Variants in FSTL4 observed in about 807,000 individuals in gnomAD.
FSTL4 encodes the protein follistatin like 4.
In FSTL4, 28 loss-of-function variants were observed where a neutral mutation model predicts 78.2. That is an observed-to-expected ratio of 0.36 (90% confidence interval 0.27 to 0.49). FSTL4 has a LOEUF of 0.49. FSTL4 is among the 20% of genes least tolerant of loss of function. The probability of loss-of-function intolerance (pLI) is 0.98; values close to 1 mark genes in which losing one functional copy is unlikely to be tolerated. For missense variants in FSTL4, 922 were observed against 1,084.9 expected (o/e 0.85, Z 2.11); for synonymous variants, 422 against 440.5 (o/e 0.96, Z 0.53).
At chr5:133,485,047 G>A (rs1758104150) in intron 3 of FSTL4, among the ~76,000 whole-genome samples, 1 of 152,144 alleles carries the variant, frequency 6.6e-6, no homozygotes, top group Non-Finnish European at 1.5e-5. Context: ...CTTTGTCAAG[G>A]ATTTTAAAAC....
chr5:133,469,886 G>C (rs1266663356), intron 3 of FSTL4, among the ~76,000 whole-genome samples: 1 of 151,962 alleles, frequency 6.6e-6, no homozygotes, highest in Non-Finnish European at 1.5e-5. Context: ...CAGAGGCACA[G>C]TCAAGATAAG....
At chr5:133,801,651 G>A in the FSTL4 span, among the ~76,000 whole-genome samples, 1 of 152,252 alleles carries the variant, frequency 6.6e-6, no homozygotes, top group Non-Finnish European at 1.5e-5. Flanking sequence ...CTGCCAGCCA[G>A]GGCCTTGATG....
chr5:133,695,575 C>T, the FSTL4 span, among the ~76,000 whole-genome samples: 5 of 152,174 alleles, frequency 3.3e-5, no homozygotes, highest in Admixed American at 6.5e-5. Context: ...ACTGACCTAA[C>T]GGGGACAGCA....
At chr5:133,612,569 A>T (rs955959724), upstream of FSTL4, 5 of 151,590 alleles carry the variant, frequency 3.3e-5, no homozygotes, top group Admixed American at 6.6e-5. The surrounding 1 kb of genome is among the most constrained non-coding windows in gnomAD (Gnocchi z 6.2). Context: ...CCGTGACGTC[A>T]CCCTCTGGGC....
intron 6 of FSTL4, among the ~76,000 whole-genome samples, chr5:133,266,773 G>A (rs982257627): frequency 3.9e-5 from 6 of 152,206 alleles, no homozygotes; most frequent in African/African-American, 1.4e-4. Context: ...CTCCCTCTTG[G>A]TCAGCCTGCA....
the FSTL4 span, among the ~76,000 whole-genome samples, chr5:133,714,365 A>G: frequency 2.0e-5 from 3 of 152,252 alleles, no homozygotes; most frequent in South Asian, 6.2e-4. Flanking sequence ...CAAATGTGAG[A>G]GCTCAAATGC....
At chr5:133,531,747 G>A (rs998818022) in intron 3 of FSTL4, among the ~76,000 whole-genome samples, 6 of 152,192 alleles carry the variant, frequency 3.9e-5, no homozygotes, top group African/African-American at 1.4e-4. Flanking sequence ...GTGATAGGGC[G>A]GAAATCATCA....
chr5:133,201,942 T>C lies in FSTL4; in HGVS notation c.1817A>G (p.Asn606Ser), dbSNP rs779834087. Residue 606 changes from asparagine to serine, a missense_variant, in exon 15 of 16, where the codon AAC (asparagine) becomes AGC (serine). Coordinates refer to ENST00000265342, the MANE Select transcript of FSTL4 (RefSeq NM_015082.2). ...FFIPPTNLII[N>S]HIRFGFIFNK... ...CATGGGCCAGTCTCACCTGATGTGG[T>C]TGATGATGAGGTTTGTTGGGGGAAT... The C allele has an allele frequency of 1.9e-6, 3 of 1,595,000 alleles. No homozygotes were observed. The highest frequency in any genetic ancestry group is 2.7e-5 in the African/African-American group (2 of 74,636).
At chr5:133,730,486 T>C in the FSTL4 span, among the ~76,000 whole-genome samples, 3 of 152,130 alleles carry the variant, frequency 2.0e-5, no homozygotes, top group Non-Finnish European at 4.4e-5. Flanking sequence ...AGCTGCACGA[T>C]GATGGGAAGG....
the FSTL4 span, among the ~76,000 whole-genome samples, chr5:133,807,800 G>A: frequency 2.0e-5 from 3 of 152,226 alleles, no homozygotes; most frequent in Non-Finnish European, 4.4e-5. Context: ...CACACATCTA[G>A]ACAGCTTAAC....
intron 3 of FSTL4, among the ~76,000 whole-genome samples, chr5:133,466,353 T>C (rs888475108): frequency 3.3e-5 from 5 of 152,034 alleles, no homozygotes; most frequent in African/African-American, 4.8e-5. Context: ...CCATTCTGGC[T>C]AACACGGTGA....
At chr5:133,514,562 G>C (rs914081711) in intron 3 of FSTL4, among the ~76,000 whole-genome samples, 4 of 152,164 alleles carry the variant, frequency 2.6e-5, no homozygotes, top group African/African-American at 9.7e-5. Context: ...AATTTCAGAA[G>C]ACAAGGCTAG....
the FSTL4 span, among the ~76,000 whole-genome samples, chr5:133,684,850 G>A: frequency 6.6e-6 from 1 of 152,190 alleles, no homozygotes; most frequent in South Asian, 2.1e-4. Flanking sequence ...TGGGGCAGCT[G>A]TAAATAATGA....
intron 6 of FSTL4, among the ~76,000 whole-genome samples, chr5:133,267,760 G>A (rs114191533): frequency 6.6e-6 from 1 of 152,136 alleles, no homozygotes; most frequent in South Asian, 2.1e-4. Flanking sequence ...GGTTCCAAGT[G>A]GGGGAGGTGT....
chr5:133,592,434 C>T (rs1760651963), intron 2 of FSTL4, among the ~76,000 whole-genome samples: 1 of 152,178 alleles, frequency 6.6e-6, no homozygotes, highest in African/African-American at 2.4e-5. Flanking sequence ...ATTATATATA[C>T]CATTCTCATC....
At chr5:133,527,501 A>ACC (rs1280302901) in intron 3 of FSTL4, among the ~76,000 whole-genome samples, 25 of 150,932 alleles carry the variant, frequency 1.7e-4, no homozygotes, top group Non-Finnish European at 3.2e-4. Flanking sequence ...ACACACACAC[A>ACC]CCCATAAGTG....
the FSTL4 span, among the ~76,000 whole-genome samples, chr5:133,819,389 C>T: frequency 6.6e-6 from 1 of 152,172 alleles, no homozygotes; most frequent in Admixed American, 6.5e-5. Flanking sequence ...TCACACCCTG[C>T]TCCTCCACTC....
intron 14 of FSTL4, chr5:133,202,342 G>C (rs754718537): frequency 2.4e-5 from 5 of 206,814 alleles, no homozygotes; most frequent in Non-Finnish European, 3.9e-5. Flanking sequence ...ATGGCAGAGT[G>C]AGAACCTGAG....
At chr5:133,836,949 G>A in the FSTL4 span, among the ~76,000 whole-genome samples, 10 of 151,946 alleles carry the variant, frequency 6.6e-5, no homozygotes, top group Non-Finnish European at 1.0e-4. Flanking sequence ...TTTTCTATGT[G>A]GGGGTTCATA....
Sources: allele counts gnomAD v4.1 joint callset (sites outside exome capture counted in the v4.1 genomes callset), GRCh38; gene constraint gnomAD v4.1.1; non-coding constraint Gnocchi (gnomAD v3.1); transcripts MANE v1.5; gene names NCBI Gene and HGNC (gene_info 2026-07-23, HGNC 2026-07-21).